The following GPR155 variants were observed in gnomAD, a reference collection of about 807,000 sequenced individuals.
The protein encoded by GPR155 is G protein-coupled receptor 155.
In GPR155, 65 loss-of-function variants were observed where a neutral mutation model predicts 93.1. The ratio of observed to expected loss-of-function variants is 0.70; its 90% CI spans 0.57 to 0.86. GPR155 has a LOEUF of 0.86. Ranked by LOEUF, GPR155 falls within the 40% of genes least tolerant of loss-of-function variation. The pLI is 0.00. For missense variants in GPR155, 838 were observed against 1,034.8 expected (o/e 0.81, Z 2.61); for synonymous variants, 319 against 360.1 (o/e 0.89, Z 1.29).
intron 13 of GPR155, among the ~76,000 whole-genome samples, chr2:174,444,076 T>G (rs1687042171): frequency 6.6e-6 from 1 of 152,188 alleles, no homozygotes; most frequent in Non-Finnish European, 1.5e-5. Flanking sequence ...GATTTAAGTA[T>G]CTATTGTTCA....
rs749618921 is a variant in GPR155 at position 174,465,882 on chromosome 2, C to G, written c.1287G>C (p.Met429Ile). 7 of 1,570,666 alleles carry G rather than the reference C, an allele frequency of 4.5e-6. No individual in the cohort carries two copies. The South Asian group carries it at 7.8e-5, about 17-fold the overall frequency. ...LIAQSIVCAG[M>I]MIWNFVKEKN... is the part of the protein sequence containing the mutation. ...TTTCTTTAACAAAATTCCATATCAT[C>G]ATTCCAGCACAGACAATAGACTAAG... The change falls in exon 7 of 16, where the codon ATG (methionine) becomes ATC (isoleucine). Residue 429 changes from methionine (M) to isoleucine (I), a missense_variant. Met to Ile is a conservative substitution (Grantham distance 10). This residue lies in a region of GPR155 where 663 missense variants were observed against 790.1 expected (regional missense o/e 0.84). Transcript: ENST00000392552.
intron 9 of GPR155, 65 bp from the exon 10 acceptor site, chr2:174,460,153 C>CTTTTTTTTTTT (rs1559109134): frequency 1.8e-6 from 1 of 554,618 alleles, no homozygotes; most frequent in African/African-American, 2.7e-5. Context: ...TCTTAGGGCA[C>CTTTTTTTTTTT]ATTTTTTTTT....
chr2:174,445,072 A>C lies in GPR155; in HGVS notation c.2109+9T>G, dbSNP rs759088502. 1 of 1,473,136 alleles carries C rather than the reference A, an allele frequency of 6.8e-7. No homozygotes were observed. Among genetic ancestry groups the C allele is most frequent in the Non-Finnish European group, 9.5e-7 (1 of 1,052,162 alleles). 91.3% of individuals were successfully genotyped at this position (1,473,136 alleles called of 1,614,324 possible). A position where few individuals can be genotyped will look rare whatever the true frequency, so the allele number is the denominator to read the frequency against. On this transcript the variant is annotated intron_variant, in intron 13 of 15. Coordinates refer to ENST00000392552, the MANE Select transcript of GPR155 (RefSeq NM_152529.7). ...CAAAAACCCCTCAAAGTTCTCCATA[A>C]ATAAATACCTGACCAAAGTTAAACA...
intron 10 of GPR155, among the ~76,000 whole-genome samples, 179 bp from the exon 11 acceptor site, chr2:174,454,020 A>T (rs1048925548): frequency 1.4e-4 from 22 of 152,154 alleles, no homozygotes; most frequent in Non-Finnish European, 2.6e-4. Flanking sequence ...TATACAAAAT[A>T]AAAAAAACTT....
chr2:174,441,492 TTACA>T (rs1270685329), intron 14 of GPR155, among the ~76,000 whole-genome samples: 1 of 152,082 alleles, frequency 6.6e-6, no homozygotes, highest in Non-Finnish European at 1.5e-5. Flanking sequence ...TGCAGGTTTG[TTACA>T]TATGTATACA....
intron 1 of GPR155, among the ~76,000 whole-genome samples, chr2:174,485,496 C>G (rs1398601282): frequency 2.0e-5 from 3 of 151,546 alleles, no homozygotes; most frequent in Admixed American, 1.3e-4. Flanking sequence ...ACTCGGGAAG[C>G]TGAGGCAGGA....
chr2:174,472,342 G>A lies in GPR155; in HGVS notation c.860+623C>T, dbSNP rs140908767. Among the ~76,000 whole-genome samples, 8 of 152,272 alleles carry A rather than the reference G, an allele frequency of 5.3e-5. No homozygotes were observed. In the East Asian group the frequency reaches 1.5e-3, roughly 29 times the overall value. On this transcript the variant is annotated intron_variant, in intron 3 of 15. Transcript: ENST00000392552. ...AATAGCTTGAACCTACGAGGTGGAG[G>A]TTGCAGTGAGCCAAGATCGCATGAC...
rs763666962 is a variant in GPR155 at position 174,470,504 on chromosome 2, G to T, written c.912C>A (p.Gly304=). The part of the protein sequence containing the change: ...CREMVELLDK[G]DSVVNHTSLS... Reference sequence around the variant, plus strand: ...AACTTGTATGGTTCACCACACTGTCGCCCTTGTCCAAGAGTTCCACCATTT... The same window carrying T: ...AACTTGTATGGTTCACCACACTGTCTCCCTTGTCCAAGAGTTCCACCATTT... The change falls in exon 4 of 16, where the codon GGC becomes GGA. Residue 304 remains glycine (G), a synonymous_variant. Transcript: ENST00000392552. 1.4e-5 allele frequency: 23 copies of T among 1,613,624 alleles called. No individual in the cohort carries two copies. In the South Asian group the frequency reaches 2.2e-4, roughly 15 times the overall value.
chr2:174,461,357 A>G lies in GPR155; in HGVS notation c.1560+45T>C, dbSNP rs750424204. 26 of 1,203,702 alleles carry G rather than the reference A, an allele frequency of 2.2e-5. No homozygotes were observed. The South Asian group carries it at 3.1e-4, about 14-fold the overall frequency. The allele number at this position is 1,203,702 out of a possible 1,614,324, so 74.6% of individuals were successfully genotyped here. A position where few individuals can be genotyped will look rare whatever the true frequency, so the allele number is the denominator to read the frequency against. ...TCTAGCAAGGCACATAACGAGCTAA[A>G]AAGAGACATTCTCAAGAACAGAACT... On this transcript the variant is annotated intron_variant, in intron 9 of 15. Coordinates refer to ENST00000392552, the MANE Select transcript of GPR155 (RefSeq NM_152529.7).
chr2:174,486,772 C>A (rs975532846), intron 1 of GPR155, 101 bp downstream of exon 1: 2 of 153,306 alleles, frequency 1.3e-5, no homozygotes, highest in Non-Finnish European at 2.9e-5. Context: ...GGGTCGGCGG[C>A]TGCCCACGTG....
chr2:174,473,323 A>C lies in GPR155; in HGVS notation c.502T>G (p.Tyr168Asp), dbSNP rs1420272782. ...YQTTYPEYLQ[Y>D]IYLVAPISLM... The stretch of plus-strand genomic sequence containing the variant: ...GATATTGGTGCCACCAAATAAATGT[A>C]CTGGAGATATTCTGGGTATGTAGTT... Residue 168 changes from tyrosine (Y) to aspartate (D), a missense_variant, in exon 3 of 16, where the codon TAC becomes GAC. Tyr to Asp is a radical substitution (Grantham distance 160, BLOSUM62 -3). This residue lies in a region of GPR155 where 663 missense variants were observed against 790.1 expected (regional missense o/e 0.84). Transcript: ENST00000392552. 1 of 1,601,522 alleles carries C rather than the reference A, an allele frequency of 6.2e-7. No individual in the cohort carries two copies. Among genetic ancestry groups the C allele is most frequent in the Non-Finnish European group, 8.5e-7 (1 of 1,173,060 alleles).
intron 15 of GPR155, among the ~76,000 whole-genome samples, chr2:174,438,054 A>G (rs1329641050): frequency 6.6e-6 from 1 of 151,602 alleles, no homozygotes; most frequent in Non-Finnish European, 1.5e-5. Context: ...CAGGAGTTTG[A>G]GACCAGCCTG....
intron 2 of GPR155, among the ~76,000 whole-genome samples, chr2:174,474,134 A>C (rs1157532936): frequency 3.3e-5 from 5 of 152,186 alleles, no homozygotes; most frequent in Non-Finnish European, 5.9e-5. Context: ...GGTAAATGAG[A>C]GGGAATGCCT....
intron 10 of GPR155, among the ~76,000 whole-genome samples, chr2:174,454,910 TG>T (rs1687467412): frequency 6.7e-6 from 1 of 149,182 alleles, no homozygotes; most frequent in Non-Finnish European, 1.5e-5. Flanking sequence ...GGATGAGTAG[TG>T]GGTACCGGAT....
intron 10 of GPR155, among the ~76,000 whole-genome samples, chr2:174,459,452 A>G (rs892550925): frequency 6.6e-6 from 1 of 152,240 alleles, no homozygotes; most frequent in Admixed American, 6.5e-5. Context: ...CTATGATTCA[A>G]ATTCTTCATT....
intron 15 of GPR155, among the ~76,000 whole-genome samples, chr2:174,437,683 C>T (rs960997501): frequency 6.7e-6 from 1 of 148,750 alleles, no homozygotes; most frequent in African/African-American, 2.5e-5. Context: ...CTCCTGGGTT[C>T]AAGTGATTCT....
intron 6 of GPR155, 83 bp from the exon 7 acceptor site, chr2:174,465,985 G>A (rs973999484): frequency 3.1e-6 from 2 of 641,798 alleles, no homozygotes; most frequent in Admixed American, 2.5e-5. Flanking sequence ...TTCCAATTAA[G>A]CCAGCCATAT....
At chr2:174,472,640 T>C (rs1251839256) in intron 3 of GPR155, among the ~76,000 whole-genome samples, 1 of 152,200 alleles carries the variant, frequency 6.6e-6, no homozygotes, top group Non-Finnish European at 1.5e-5. Flanking sequence ...CTTTATGGAT[T>C]TGGAAAAGTC....
At chr2:174,454,061 C>T (rs1687413723) in intron 10 of GPR155, among the ~76,000 whole-genome samples, 1 of 152,170 alleles carries the variant, frequency 6.6e-6, no homozygotes, top group Non-Finnish European at 1.5e-5. Context: ...TGTGGCCAGG[C>T]ATGGTAGCTT....
Sources: allele counts gnomAD v4.1 joint callset (sites outside exome capture counted in the v4.1 genomes callset), GRCh38; gene constraint gnomAD v4.1.1; regional missense constraint gnomAD v4.1.1; transcripts MANE v1.5; gene names NCBI Gene and HGNC (gene_info 2026-07-23, HGNC 2026-07-21).